TRPC7: variants seen among roughly 807,000 people sequenced by gnomAD.
The protein encoded by TRPC7 is short transient receptor potential channel 7.
In TRPC7, 42 loss-of-function variants were observed where a neutral mutation model predicts 90.1. That is an observed-to-expected ratio of 0.47 (90% CI 0.36 to 0.60). The LOEUF is 0.60. Ranked by LOEUF, TRPC7 falls within the 20% of genes least tolerant of loss-of-function variation. The probability of loss-of-function intolerance (pLI) is 0.00; values close to 1 mark genes in which losing one functional copy is unlikely to be tolerated. For missense variants in TRPC7, 955 were observed against 1,112.3 expected (o/e 0.86, Z 2.01); for synonymous variants, 451 against 436.3 (o/e 1.03, Z -0.42).
chr5:136,266,526 C>G, intron 4 of TRPC7, 90 bp from the exon 5 acceptor site: 1 of 1,161,780 alleles, frequency 8.6e-7, no homozygotes. Flanking sequence ...AAAGTTTAAC[C>G]AGAGAATCCT....
chr5:136,220,254 G>A (rs1211862907), intron 10 of TRPC7, among the ~76,000 whole-genome samples: 1 of 152,222 alleles, frequency 6.6e-6, no homozygotes, highest in Non-Finnish European at 1.5e-5. Context: ...CATAAGGTCT[G>A]ACTACCTGCG....
intron 10 of TRPC7, among the ~76,000 whole-genome samples, chr5:136,218,722 T>C (rs1755354618): frequency 6.6e-6 from 1 of 152,202 alleles, no homozygotes; most frequent in East Asian, 1.9e-4. Flanking sequence ...CTGCTCACAG[T>C]CTCCTTCAAT....
intron 3 of TRPC7, among the ~76,000 whole-genome samples, chr5:136,296,555 A>G (rs1339530395): frequency 1.3e-5 from 2 of 152,238 alleles, no homozygotes; most frequent in Non-Finnish European, 2.9e-5. Flanking sequence ...TGGTACTTCA[A>G]TCTCATGCTA....
chr5:136,236,890 T>C (rs139717733), intron 7 of TRPC7, among the ~76,000 whole-genome samples: 142 of 152,314 alleles, frequency 9.3e-4, no homozygotes, highest in African/African-American at 2.7e-3. Context: ...CAAATCATCA[T>C]ATAGCAGGCT....
At chr5:136,352,369 C>T (rs946850163) in intron 2 of TRPC7, among the ~76,000 whole-genome samples, 1 of 152,004 alleles carries the variant, frequency 6.6e-6, no homozygotes, top group African/African-American at 2.4e-5. Flanking sequence ...ATAACAGCTC[C>T]ACAGAAAAAT....
At chr5:136,270,613 TAAAAC>T (rs1757179679) in intron 4 of TRPC7, among the ~76,000 whole-genome samples, 1 of 152,188 alleles carries the variant, frequency 6.6e-6, no homozygotes, top group African/African-American at 2.4e-5. Context: ...GTGAAAGAGA[TAAAAC>T]AAGCTGTAAG....
chr5:136,336,119 T>C (rs181472414), intron 2 of TRPC7, among the ~76,000 whole-genome samples: 2 of 152,202 alleles, frequency 1.3e-5, no homozygotes, highest in African/African-American at 2.4e-5. Flanking sequence ...CTTGCCAAAC[T>C]CTTACTCATT....
intron 8 of TRPC7, among the ~76,000 whole-genome samples, chr5:136,229,376 G>A (rs1346923373): frequency 1.3e-5 from 2 of 152,102 alleles, no homozygotes; most frequent in African/African-American, 4.8e-5. Context: ...GCTCCCTACT[G>A]CATAGAGTAC....
intron 3 of TRPC7, among the ~76,000 whole-genome samples, chr5:136,296,794 T>A (rs1758190298): frequency 6.6e-6 from 1 of 152,180 alleles, no homozygotes; most frequent in East Asian, 1.9e-4. Flanking sequence ...GTTTTTTCAG[T>A]AAATAAAATC....
chr5:136,327,488 T>C (rs1414412982), intron 2 of TRPC7, among the ~76,000 whole-genome samples: 1 of 152,098 alleles, frequency 6.6e-6, no homozygotes, highest in African/African-American at 2.4e-5. Context: ...GGCACATCGC[T>C]CAGAGAAGGG....
At chr5:136,221,352 A>G (rs1411018673) in intron 10 of TRPC7, among the ~76,000 whole-genome samples, 1 of 152,248 alleles carries the variant, frequency 6.6e-6, no homozygotes, top group East Asian at 1.9e-4. Context: ...TGCACAATGG[A>G]TAAGAGCAGT....
chr5:136,261,244 G>A (rs1756849599), intron 5 of TRPC7, among the ~76,000 whole-genome samples: 1 of 152,182 alleles, frequency 6.6e-6, no homozygotes, highest in Non-Finnish European at 1.5e-5. Context: ...ACAAGATAAT[G>A]TTAATTCTAT....
At position 136,226,026 on chromosome 5, in the gene TRPC7, C is replaced by T. The variant is rs1248046512; in HGVS notation, c.2262+8G>A. 1.3e-6 allele frequency: 2 copies of T among 1,578,308 alleles called. No individual in the cohort carries two copies. Among genetic ancestry groups the T allele is most frequent in the South Asian group, 1.2e-5 (1 of 86,294 alleles). ...CTTCTCCAGCCTCATAAACCACATG[C>T]TACCTACCTTGAATTTGGAATTCAG... On this transcript the variant is annotated splice_region_variant and intron_variant, in intron 9 of 11. Transcript: ENST00000513104.
chr5:136,356,804 T>C lies in TRPC7; in HGVS notation c.584A>G (p.Asp195Gly). Reference sequence around the variant, plus strand: ...GCACTCATTGCACTTGCAGAAGTAGTCGTGGGGCCGCTCGATGCGGGCGCC... The same window carrying C: ...GCACTCATTGCACTTGCAGAAGTAGCCGTGGGGCCGCTCGATGCGGGCGCC... The part of the protein sequence containing the change: ...LKGARIERPH[D>G]YFCKCNECTE... The change falls in exon 2 of 12, where the codon GAC (aspartate) becomes GGC (glycine). Residue 195 changes from aspartate to glycine, a missense_variant. Around this residue, in one of 4 missense-constraint regions of TRPC7, gnomAD observed 484 missense variants for 509.6 expected, o/e 0.95. Coordinates refer to ENST00000513104, the MANE Select transcript of TRPC7 (RefSeq NM_020389.3). 1 of 1,613,152 alleles carries C rather than the reference T, an allele frequency of 6.2e-7. No homozygotes were observed. The highest frequency in any genetic ancestry group is 1.1e-5 in the South Asian group (1 of 91,040).
chr5:136,337,501 A>T (rs1222644043), intron 2 of TRPC7, among the ~76,000 whole-genome samples: 1 of 152,106 alleles, frequency 6.6e-6, no homozygotes, highest in African/African-American at 2.4e-5. Flanking sequence ...CCTCGTCTCT[A>T]TTAAAAATAC....
At chr5:136,249,502 T>C (rs1756452499) in intron 6 of TRPC7, among the ~76,000 whole-genome samples, 1 of 152,224 alleles carries the variant, frequency 6.6e-6, no homozygotes, top group Admixed American at 6.5e-5. Context: ...AAATAAGACA[T>C]AACTTCTCCC....
chr5:136,364,443 C>A (rs1304642078), intron 1 of TRPC7, among the ~76,000 whole-genome samples: 3 of 152,124 alleles, frequency 2.0e-5, no homozygotes, highest in Admixed American at 1.3e-4. Context: ...AATGTGAATT[C>A]ATTCATAAAT....
intron 3 of TRPC7, among the ~76,000 whole-genome samples, chr5:136,309,016 G>A (rs1758740672): frequency 6.6e-6 from 1 of 152,218 alleles, no homozygotes; most frequent in Non-Finnish European, 1.5e-5. Context: ...GGAGGCAAGG[G>A]ACTTCTGATA....
intron 8 of TRPC7, among the ~76,000 whole-genome samples, chr5:136,226,735 GC>G (rs1440399416): frequency 2.0e-5 from 3 of 152,106 alleles, no homozygotes; most frequent in African/African-American, 7.2e-5. Flanking sequence ...TTTTCTACTA[GC>G]CCCATTCTAA....
Sources: gnomAD v4.1 joint callset for allele counts (sites outside exome capture counted in the v4.1 genomes callset) on GRCh38, gnomAD v4.1.1 for gene constraint, gnomAD v4.1.1 regional missense constraint, MANE v1.5 for transcripts, NCBI Gene and HGNC (gene_info 2026-07-23, HGNC 2026-07-21) for gene names.